The following KLHL1 variants were observed in gnomAD, a reference collection of about 807,000 sequenced individuals.
KLHL1 encodes kelch like family member 1.
A neutral mutation model predicts 77.7 loss-of-function variants in KLHL1; 47 were observed. The ratio of observed to expected loss-of-function variants is 0.60; its 90% CI spans 0.48 to 0.77. The LOEUF (loss-of-function observed/expected upper bound fraction) is 0.77. Among genes scored for constraint, KLHL1 ranks in the 30% least tolerant of loss-of-function variants. KLHL1 has a pLI of 0.00. For missense variants in KLHL1, 925 were observed against 910.8 expected, an observed-to-expected ratio of 1.02 and a Z score of -0.20; for synonymous variants, 360 against 325.2, an observed-to-expected ratio of 1.11 and a Z score of -1.15.
At chr13:70,001,617 A>AT (rs1885291161) in intron 1 of KLHL1, among the ~76,000 whole-genome samples, 2 of 150,474 alleles carry the variant, frequency 1.3e-5, no homozygotes, top group Non-Finnish European at 3.0e-5. Context: ...CTATCTATCT[A>AT]CCTATCATCT....
chr13:69,986,807 A>C (rs1884883799), intron 1 of KLHL1, among the ~76,000 whole-genome samples: 1 of 152,030 alleles, frequency 6.6e-6, no homozygotes, highest in African/African-American at 2.4e-5. Context: ...AAGTGATGTC[A>C]AGATACTTGA....
At chr13:69,983,097 C>G (rs1282482169) in intron 1 of KLHL1, among the ~76,000 whole-genome samples, 3 of 152,078 alleles carry the variant, frequency 2.0e-5, no homozygotes, top group Non-Finnish European at 4.4e-5. Context: ...ATAAAGCAAT[C>G]CCATTTATAT....
At chr13:69,725,636 A>T (rs963112828) in intron 8 of KLHL1, among the ~76,000 whole-genome samples, 8 of 150,882 alleles carry the variant, frequency 5.3e-5, no homozygotes, top group Non-Finnish European at 4.5e-5. Context: ...CTCATTTACC[A>T]GCTATGTGTT....
At chr13:69,863,017 C>T (rs1267589477) in intron 5 of KLHL1, among the ~76,000 whole-genome samples, 1 of 152,074 alleles carries the variant, frequency 6.6e-6, no homozygotes, top group African/African-American at 2.4e-5. Flanking sequence ...ATCTTTTACT[C>T]TATGTGTATT....
chr13:69,916,667 C>A (rs914296216), intron 4 of KLHL1, among the ~76,000 whole-genome samples: 2 of 151,860 alleles, frequency 1.3e-5, no homozygotes, highest in Non-Finnish European at 2.9e-5. Flanking sequence ...GTGCAGCACA[C>A]CAGCATGGTA....
chr13:69,833,298 C>T (rs1031984320), intron 6 of KLHL1, among the ~76,000 whole-genome samples: 8 of 151,954 alleles, frequency 5.3e-5, no homozygotes, highest in African/African-American at 1.9e-4. Flanking sequence ...GGGCTAAGGA[C>T]ATGAATGGAC....
chr13:69,857,033 A>C (rs924553286), intron 5 of KLHL1, among the ~76,000 whole-genome samples: 11 of 152,042 alleles, frequency 7.2e-5, no homozygotes, highest in Non-Finnish European at 1.5e-5. Flanking sequence ...GGCTCCTCCA[A>C]TGAACAATAG....
At chr13:69,772,620 A>G (rs113605508) in intron 7 of KLHL1, among the ~76,000 whole-genome samples, 3 of 152,310 alleles carry the variant, frequency 2.0e-5, no homozygotes, top group African/African-American at 7.2e-5. Flanking sequence ...ATCAACACTA[A>G]TTCTCTAAAA....
At chr13:69,965,071 T>A (rs941831872) in intron 2 of KLHL1, among the ~76,000 whole-genome samples, 8 of 152,224 alleles carry the variant, frequency 5.3e-5, no homozygotes, top group Admixed American at 5.2e-4. Flanking sequence ...CACAGCTTTT[T>A]GATGGCTTTA....
chr13:69,793,498 G>GTT (rs11374810), intron 7 of KLHL1, among the ~76,000 whole-genome samples: 18,480 of 149,950 alleles, frequency 0.12, 1,382 homozygotes, highest in African/African-American at 0.21. Flanking sequence ...AATCATGTAA[G>GTT]TTTTTTTTTT....
At chr13:70,035,382 A>G (rs1358815849) in intron 1 of KLHL1, among the ~76,000 whole-genome samples, 2 of 152,146 alleles carry the variant, frequency 1.3e-5, no homozygotes, top group African/African-American at 4.8e-5. Flanking sequence ...CTAAAAATAA[A>G]AACAATTGAA....
intron 2 of KLHL1, among the ~76,000 whole-genome samples, chr13:69,964,313 G>A (rs534058399): frequency 6.6e-6 from 1 of 152,226 alleles, no homozygotes; most frequent in East Asian, 1.9e-4. Flanking sequence ...AAGTATTGGG[G>A]TTATGGGCAT....
At chr13:69,774,422 G>A (rs2137988772) in intron 7 of KLHL1, among the ~76,000 whole-genome samples, 1 of 151,756 alleles carries the variant, frequency 6.6e-6, no homozygotes, top group Admixed American at 6.6e-5. Flanking sequence ...CTATGATTTT[G>A]TTATTCTTTT....
chr13:69,940,730 A>G (rs1001029972), intron 3 of KLHL1, among the ~76,000 whole-genome samples: 4 of 147,952 alleles, frequency 2.7e-5, no homozygotes, highest in African/African-American at 1.0e-4. Flanking sequence ...AATTGTCTAT[A>G]ATTTTGGTTT....
At chr13:69,924,548 G>A (rs1882751617) in intron 4 of KLHL1, among the ~76,000 whole-genome samples, 1 of 152,156 alleles carries the variant, frequency 6.6e-6, no homozygotes, top group East Asian at 1.9e-4. Flanking sequence ...CTTCTGAGCT[G>A]TTCTATCACT....
chr13:70,013,773 T>A lies in KLHL1; in HGVS notation c.498-37971A>T, dbSNP rs372521539. ...GAGTAGAAGCTTGTTATCTCACAGA[T>A]GCCTCTGATACAGTCTGAGCTATAT... On this transcript the variant is annotated intron_variant, in intron 1 of 10. Transcript: ENST00000377844. Among the ~76,000 whole-genome samples, 49 of 152,308 alleles carry A rather than the reference T, an allele frequency of 3.2e-4. No individual in the cohort carries two copies. The South Asian group carries it at 9.9e-3, about 31-fold the overall frequency.
In KLHL1 at chr13:69,940,044, G is replaced by C; in HGVS notation, c.1010C>G (p.Thr337Arg). The part of the protein sequence containing the change: ...IELMKVAHSY[T>R]MENIMEVIRN... ...TAAAACATTAAGTTTCCTTACCATT[G>C]TGTAGCTGTGGGCCACCTTCATTAA... Residue 337 changes from threonine to arginine, a missense_variant, in exon 4 of 11, where the codon ACA (threonine) becomes AGA (arginine). Physicochemically the swap from Thr to Arg is moderately conservative, Grantham distance 71. Transcript: ENST00000377844. 1 of 1,602,400 alleles carries C rather than the reference G, an allele frequency of 6.2e-7. No homozygotes were observed. Among genetic ancestry groups the C allele is most frequent in the South Asian group, 1.1e-5 (1 of 89,590 alleles).
At chr13:69,958,552 C>T (rs1464526225) in intron 3 of KLHL1, among the ~76,000 whole-genome samples, 1 of 151,306 alleles carries the variant, frequency 6.6e-6, no homozygotes, top group Non-Finnish European at 1.5e-5. Flanking sequence ...GATAAATTAC[C>T]TACATCTGGT....
intron 1 of KLHL1, among the ~76,000 whole-genome samples, chr13:70,009,461 T>A (rs950783405): frequency 6.6e-6 from 1 of 152,140 alleles, no homozygotes; most frequent in Admixed American, 6.6e-5. Context: ...CCAATTTATT[T>A]CCCTATGACT....
Sources: gnomAD v4.1 joint callset for allele counts (sites outside exome capture counted in the v4.1 genomes callset) on GRCh38, gnomAD v4.1.1 for gene constraint, MANE v1.5 for transcripts, NCBI Gene and HGNC (gene_info 2026-07-23, HGNC 2026-07-21) for gene names.